RBM14: variants seen among roughly 807,000 people sequenced by gnomAD.
RBM14 encodes RNA binding motif protein 14, also known as RNA-binding protein 14.
Under a neutral mutation model 52.8 loss-of-function variants are expected in RBM14, and 5 were observed. The observed-to-expected ratio is 0.09, with a 90% CI of 0.05 to 0.20. The LOEUF is 0.20. RBM14 is among the 10% of genes least tolerant of loss of function. RBM14 has a pLI of 1.00. For synonymous variants in RBM14, 411 were observed against 401.8 expected (o/e 1.02, Z -0.28); for missense variants, 780 against 926.6 (o/e 0.84, Z 2.05).
At chr11:66,618,438 C>G in intron 1 of RBM14, 1 of 715,832 alleles carries the variant, frequency 1.4e-6, no homozygotes, top group Non-Finnish European at 2.6e-6. Context: ...ATAGTGTCCA[C>G]TACTAGGAAC....
Position 66,625,478 on chromosome 11 carries a change from C to T in RBM14, c.1602C>T (p.Pro534=). The T allele has an allele frequency of 1.2e-6, 2 of 1,613,354 alleles. No individual in the cohort carries two copies. Among genetic ancestry groups the T allele is most frequent in the Non-Finnish European group, 1.7e-6 (2 of 1,179,800 alleles). ...CTTCCTATGCTGCCCAGCAGCATCC[C>T]CAGGCTGCTGCCTCCTACCGCGGCC... ...LAASYAAQQH[P]QAAASYRGQP... is the part of the protein sequence containing the mutation. Residue 534 remains proline (P), a synonymous_variant, in exon 2 of 3, where the codon CCC becomes CCT. Transcript: ENST00000310137. The surrounding 1 kb of genome is among the most constrained non-coding windows in gnomAD (Gnocchi z 4.2).
At chr11:66,626,419 C>G (rs537748476) in intron 2 of RBM14, 42 bp from the exon 3 acceptor site, 1 of 1,570,958 alleles carries the variant, frequency 6.4e-7, no homozygotes, top group Non-Finnish European at 8.7e-7. Context: ...GAGTCCTCCC[C>G]TCAATTGTCT....
chr11:66,620,620 G>A (rs1430292875), intron 1 of RBM14, among the ~76,000 whole-genome samples: 2 of 152,080 alleles, frequency 1.3e-5, no homozygotes, highest in Non-Finnish European at 2.9e-5. Context: ...TAAATTTTTT[G>A]ATCAGTTATA....
In RBM14 at chr11:66,629,452, A is replaced by C. The variant is rs930093774; in HGVS notation, c.*2784A>C. Among the ~76,000 whole-genome samples, 4 of 152,120 alleles carry C rather than the reference A, an allele frequency of 2.6e-5. No homozygotes were observed. Among genetic ancestry groups the C allele is most frequent in the African/African-American group, 9.7e-5 (4 of 41,414 alleles). On this transcript the variant is annotated 3_prime_UTR_variant, in exon 3 of 3. Transcript: ENST00000310137. ...TTGTAATGGAGGTAATGGGACTATC[A>C]CTGAGGGGTTCAGCCTATCCAGGTA...
At chr11:66,622,748 G>A (rs748409206) in intron 1 of RBM14, among the ~76,000 whole-genome samples, 6 of 152,166 alleles carry the variant, frequency 3.9e-5, no homozygotes, top group African/African-American at 1.4e-4. Flanking sequence ...ATCCCAGTAC[G>A]AAAGTTTCTA....
chr11:66,627,459 G>C lies in RBM14; in HGVS notation c.*791G>C, dbSNP rs558199194. 1 of 152,224 alleles carries C rather than the reference G, an allele frequency of 6.6e-6. No homozygotes were observed. Among genetic ancestry groups the C allele is most frequent in the Admixed American group, 6.5e-5 (1 of 15,282 alleles). 9.4% of individuals were successfully genotyped at this position (152,224 alleles called of 1,614,324 possible). ...GAACCCAGGACTGGTGAGGAAAGGG[G>C]TTTGAATGTCGGAATTAGAAGGATT... On this transcript the variant is annotated 3_prime_UTR_variant, in exon 3 of 3. Coordinates refer to ENST00000310137, the MANE Select transcript of RBM14 (RefSeq NM_006328.4).
In RBM14 at chr11:66,626,945, G is replaced by A; in HGVS notation, c.*277G>A. The A allele has an allele frequency of 5.8e-6, 2 of 344,084 alleles. No homozygotes were observed. The highest frequency in any genetic ancestry group is 5.2e-6 in the Non-Finnish European group (1 of 191,474). The allele number at this position is 344,084 out of a possible 1,614,324, so 21.3% of individuals were successfully genotyped here. On this transcript the variant is annotated 3_prime_UTR_variant, in exon 3 of 3. Coordinates refer to ENST00000310137, the MANE Select transcript of RBM14 (RefSeq NM_006328.4). ...TCCCCAGAATGGGAATTTCTTTTAT[G>A]TTTTTATTTTTTTCCTGGCTCCCTT...
chr11:66,624,124 G>T lies in RBM14; in HGVS notation c.338-90G>T, dbSNP rs1455549838. The T allele has an allele frequency of 1.3e-6, 2 of 1,541,508 alleles. No homozygotes were observed. Among genetic ancestry groups the T allele is most frequent in the African/African-American group, 2.8e-5 (2 of 72,704 alleles). On this transcript the variant is annotated intron_variant, in intron 1 of 2. Transcript: ENST00000310137. The surrounding 1 kb of genome is among the most constrained non-coding windows in gnomAD (Gnocchi z 4.7). Reference sequence around the variant, plus strand: ...GAGGCCTTGGAGGTAGCTGGCAACAGCTGGGTGCTGTTGTGTGTCCAATTT... The same window carrying T: ...GAGGCCTTGGAGGTAGCTGGCAACATCTGGGTGCTGTTGTGTGTCCAATTT...
chr11:66,626,453 T>C lies in RBM14; in HGVS notation c.1803-8T>C, dbSNP rs559596804. The C allele has an allele frequency of 3.1e-6, 5 of 1,609,876 alleles. No individual in the cohort carries two copies. Among genetic ancestry groups the C allele is most frequent in the Non-Finnish European group, 4.2e-6 (5 of 1,177,370 alleles). ...CTCATTCACCAACTGTCTTCTTCTC[T>C]CGACTAGGTATGGTTCCGACCGGCG... is the stretch of plus-strand genomic sequence containing the variant. On this transcript the variant is annotated splice_region_variant and splice_polypyrimidine_tract_variant and intron_variant, in intron 2 of 2. Coordinates refer to ENST00000310137, the MANE Select transcript of RBM14 (RefSeq NM_006328.4).
Position 66,625,263 on chromosome 11 carries a change from G to T in RBM14, c.1387G>T (p.Ala463Ser), listed in dbSNP as rs752708372. ...ATTPMAGSYG[A>S]QPVVQTQLNS... ...TACCCCAATGGCTGGCTCCTATGGG[G>T]CCCAGCCGGTTGTGCAGACCCAGCT... Residue 463 changes from alanine (A) to serine (S), a missense_variant, in exon 2 of 3, where the codon GCC becomes TCC. Around this residue, in one of 4 missense-constraint regions of RBM14, gnomAD observed 675 missense variants for 697.3 expected, o/e 0.97. Transcript: ENST00000310137. This position sits in a 1 kb window ranked among gnomAD's most constrained non-coding sequence, Gnocchi z 4.2. 14 of 1,612,530 alleles carry T rather than the reference G, an allele frequency of 8.7e-6. No homozygotes were observed. Among genetic ancestry groups the T allele is most frequent in the Non-Finnish European group, 1.1e-5 (13 of 1,179,840 alleles).
Position 66,628,725 on chromosome 11 carries a change from T to C in RBM14, c.*2057T>C, listed in dbSNP as rs533978087. Among the ~76,000 whole-genome samples the C allele has an allele frequency of 1.3e-5, 2 of 152,350 alleles. No individual in the cohort carries two copies. The highest frequency in any genetic ancestry group is 3.9e-4 in the East Asian group (2 of 5,192). On this transcript the variant is annotated 3_prime_UTR_variant, in exon 3 of 3. Transcript: ENST00000310137. Reference sequence around the variant, plus strand: ...AAGTTAATAAGCCTACCTTTGGTTATTACCCTGGAAAATTGAGGGTTGATG... The same window carrying C: ...AAGTTAATAAGCCTACCTTTGGTTACTACCCTGGAAAATTGAGGGTTGATG...
Position 66,625,498 on chromosome 11 carries a change from G to T in RBM14, c.1622G>T (p.Arg541Leu). 6 of 1,612,656 alleles carry T rather than the reference G, an allele frequency of 3.7e-6. No individual in the cohort carries two copies. The highest frequency in any genetic ancestry group is 5.1e-6 in the Non-Finnish European group (6 of 1,179,496). ...QQHPQAAASY[R>L]GQPGNAYDGA... ...CATCCCCAGGCTGCTGCCTCCTACC[G>T]CGGCCAGCCAGGCAATGCCTACGAT... The change falls in exon 2 of 3, where the codon CGC becomes CTC. Residue 541 changes from arginine to leucine, a missense_variant. By Grantham distance (102) the Arg-to-Leu change is moderately radical. Coordinates refer to ENST00000310137, the MANE Select transcript of RBM14 (RefSeq NM_006328.4). This position sits in a 1 kb window ranked among gnomAD's most constrained non-coding sequence, Gnocchi z 4.2.
intron 1 of RBM14, among the ~76,000 whole-genome samples, chr11:66,622,689 C>T (rs768771528): frequency 5.3e-5 from 8 of 152,192 alleles, no homozygotes; most frequent in Non-Finnish European, 8.8e-5. Flanking sequence ...GTGTCATTGT[C>T]TTCAAATCCA....
At chr11:66,620,329 A>G (rs1859048942) in intron 1 of RBM14, among the ~76,000 whole-genome samples, 1 of 151,486 alleles carries the variant, frequency 6.6e-6, no homozygotes, top group African/African-American at 2.4e-5. Context: ...TTTTTATGAG[A>G]CAGAGTCTCA....
In RBM14 at chr11:66,624,276, G is replaced by A; in HGVS notation, c.400G>A (p.Gly134Ser). Residue 134 changes from glycine (G) to serine (S), a missense_variant, in exon 2 of 3, where the codon GGC becomes AGC. Physicochemically the swap from Gly to Ser is moderately conservative, Grantham distance 56. Transcript: ENST00000310137. The surrounding 1 kb of genome is among the most constrained non-coding windows in gnomAD (Gnocchi z 4.7). ...CAAAGCCGCAATCGCGCAGCTCAAC[G>A]GCAAAGAAGTGAAGGGCAAGCGCAT... Reference protein sequence around the residue: ...DAKAAIAQLNGKEVKGKRINV... With the variant: ...DAKAAIAQLNSKEVKGKRINV... 1.2e-6 allele frequency: 2 copies of A among 1,611,296 alleles called. No individual in the cohort carries two copies. Among genetic ancestry groups the A allele is most frequent in the Non-Finnish European group, 1.7e-6 (2 of 1,178,132 alleles).
chr11:66,617,584 G>A (rs1432047368), intron 1 of RBM14: 1 of 987,788 alleles, frequency 1.0e-6, no homozygotes, highest in Non-Finnish European at 1.2e-6. Flanking sequence ...TCGGGCTGGG[G>A]TCTTTTAGTC....
rs1255596599 is a variant in RBM14 at position 66,625,815 on chromosome 11, G to A, written c.1802+137G>A. 3.6e-5 allele frequency: 25 copies of A among 697,898 alleles called. No individual in the cohort carries two copies. Among genetic ancestry groups the A allele is most frequent in the South Asian group, 2.3e-4 (12 of 51,104 alleles). The allele number at this position is 697,898 out of a possible 1,614,324, so 43.2% of individuals were successfully genotyped here. ...TATTTTTGTGGGATGTCCAGAGGCCGAGGGGAGCAGTGTCTATGAACTTTC... is the reference window on the plus strand; with the variant it reads ...TATTTTTGTGGGATGTCCAGAGGCCAAGGGGAGCAGTGTCTATGAACTTTC... On this transcript the variant is annotated intron_variant, in intron 2 of 2. Coordinates refer to ENST00000310137, the MANE Select transcript of RBM14 (RefSeq NM_006328.4). The surrounding 1 kb of genome is among the most constrained non-coding windows in gnomAD (Gnocchi z 4.2).
chr11:66,619,679 G>A (rs1859012016), intron 1 of RBM14, among the ~76,000 whole-genome samples: 1 of 151,530 alleles, frequency 6.6e-6, no homozygotes. Flanking sequence ...CCATTCTCCT[G>A]CCTCAGCCTC....
chr11:66,625,021 C>A lies in RBM14; in HGVS notation c.1145C>A (p.Ala382Asp). ...TTAGGCTCCTACGGGGCTCAGGCAGCCTCCTATGGGGCCCAGTCTGCAGCC... is the reference window on the plus strand; with the variant it reads ...TTAGGCTCCTACGGGGCTCAGGCAGACTCCTATGGGGCCCAGTCTGCAGCC... ...SSLGSYGAQA[A>D]SYGAQSAASS... is the part of the protein sequence containing the mutation. Residue 382 changes from alanine to aspartate, a missense_variant, in exon 2 of 3, where the codon GCC becomes GAC. This residue lies in a region of RBM14 where 675 missense variants were observed against 697.3 expected (regional missense o/e 0.97). Coordinates refer to ENST00000310137, the MANE Select transcript of RBM14 (RefSeq NM_006328.4). This position sits in a 1 kb window ranked among gnomAD's most constrained non-coding sequence, Gnocchi z 4.2. The A allele has an allele frequency of 6.2e-7, 1 of 1,613,740 alleles. No homozygotes were observed. Among genetic ancestry groups the A allele is most frequent in the Non-Finnish European group, 8.5e-7 (1 of 1,179,732 alleles).
Sources: gnomAD v4.1 joint callset for allele counts (sites outside exome capture counted in the v4.1 genomes callset) on GRCh38, gnomAD v4.1.1 for gene constraint, gnomAD v4.1.1 regional missense constraint, Gnocchi (gnomAD v3.1) non-coding constraint, MANE v1.5 for transcripts, NCBI Gene and HGNC (gene_info 2026-07-23, HGNC 2026-07-21) for gene names.